Variants in UBE2E2 observed in about 807,000 individuals in gnomAD.
UBE2E2 encodes ubiquitin conjugating enzyme E2 E2, also known as ubiquitin-conjugating enzyme E2 E2.
Under a neutral mutation model 24.7 loss-of-function variants are expected in UBE2E2, and 6 were observed. That is an observed-to-expected ratio of 0.24 (90% CI 0.13 to 0.48). The LOEUF is 0.48. Ranked by LOEUF, UBE2E2 falls within the 20% of genes least tolerant of loss-of-function variation. UBE2E2 has a pLI of 0.99. For synonymous variants in UBE2E2, 104 were observed against 83.6 expected, an observed-to-expected ratio of 1.24 and a Z score of -1.33; for missense variants, 169 against 245.0, an observed-to-expected ratio of 0.69 and a Z score of 2.07.
intron 5 of UBE2E2, among the ~76,000 whole-genome samples, chr3:23,569,316 G>A (rs1696167920): frequency 1.3e-5 from 2 of 152,280 alleles, no homozygotes; most frequent in East Asian, 3.9e-4. Flanking sequence ...CCCAGACCTA[G>A]GACTGGTGGA....
intron 3 of UBE2E2, among the ~76,000 whole-genome samples, chr3:23,298,182 T>C (rs1698966634): frequency 6.6e-6 from 1 of 152,206 alleles, no homozygotes; most frequent in African/African-American, 2.4e-5. Context: ...TTGAGGAGAT[T>C]TTGGGCTGAG....
At chr3:23,354,910 C>G (rs1260743565) in intron 3 of UBE2E2, among the ~76,000 whole-genome samples, 2 of 152,066 alleles carry the variant, frequency 1.3e-5, no homozygotes, top group Non-Finnish European at 2.9e-5. Flanking sequence ...AATCATGCTG[C>G]TATAAAGACA....
intron 3 of UBE2E2, 147 bp downstream of exon 3, chr3:23,217,459 GT>G: frequency 1.3e-6 from 1 of 759,604 alleles, no homozygotes. Flanking sequence ...GAAGACAATG[GT>G]TTTTGTCATC....
At chr3:23,493,975 T>C (rs1459740031) in intron 3 of UBE2E2, among the ~76,000 whole-genome samples, 2 of 152,228 alleles carry the variant, frequency 1.3e-5, no homozygotes, top group African/African-American at 4.8e-5. Flanking sequence ...ATTTGTGCTA[T>C]AATGATCTCA....
At chr3:23,387,377 C>T (rs1335174728) in intron 3 of UBE2E2, among the ~76,000 whole-genome samples, 1 of 152,130 alleles carries the variant, frequency 6.6e-6, no homozygotes, top group African/African-American at 2.4e-5. Flanking sequence ...TACTTTCAAC[C>T]TCTGCAAATT....
At chr3:23,370,091 C>G (rs183463694) in intron 3 of UBE2E2, among the ~76,000 whole-genome samples, 167 of 152,282 alleles carry the variant, frequency 1.1e-3, no homozygotes, top group African/African-American at 3.8e-3. Flanking sequence ...TGTTTCTGCT[C>G]TGTTGCATGT....
At chr3:23,230,385 G>A (rs1186449121) in intron 3 of UBE2E2, among the ~76,000 whole-genome samples, 1 of 152,184 alleles carries the variant, frequency 6.6e-6, no homozygotes, top group East Asian at 1.9e-4. Context: ...TCAATGTGTT[G>A]CTTATTTCAC....
chr3:23,372,838 C>T (rs1696430618), intron 3 of UBE2E2, among the ~76,000 whole-genome samples: 1 of 152,184 alleles, frequency 6.6e-6, no homozygotes, highest in Non-Finnish European at 1.5e-5. Flanking sequence ...AGGGGCATCT[C>T]TGTGACTGTT....
At chr3:23,356,751 A>G (rs934987120) in intron 3 of UBE2E2, among the ~76,000 whole-genome samples, 1 of 152,224 alleles carries the variant, frequency 6.6e-6, no homozygotes, top group African/African-American at 2.4e-5. Flanking sequence ...TCTGTTGTCA[A>G]TCAGGTTATG....
At chr3:23,571,622 G>A (rs2125512742) in intron 5 of UBE2E2, among the ~76,000 whole-genome samples, 1 of 152,164 alleles carries the variant, frequency 6.6e-6, no homozygotes, top group Admixed American at 6.5e-5. Context: ...TGACAAGATA[G>A]CAAGGATCGT....
chr3:23,573,284 A>C (rs914075266), intron 5 of UBE2E2, among the ~76,000 whole-genome samples: 11 of 152,360 alleles, frequency 7.2e-5, no homozygotes, highest in Non-Finnish European at 1.6e-4. Context: ...AGATATTTCT[A>C]AACTAGTGCA....
intron 3 of UBE2E2, among the ~76,000 whole-genome samples, chr3:23,453,745 C>T (rs941416110): frequency 6.6e-6 from 1 of 152,134 alleles, no homozygotes; most frequent in Non-Finnish European, 1.5e-5. Flanking sequence ...CCTCTGCAAC[C>T]AACAGAGCTT....
At chr3:23,405,459 T>C (rs1437558137) in intron 3 of UBE2E2, among the ~76,000 whole-genome samples, 1 of 152,196 alleles carries the variant, frequency 6.6e-6, no homozygotes, top group Non-Finnish European at 1.5e-5. Context: ...CACTGTCTAT[T>C]ATTTTTGGTT....
At chr3:23,322,387 C>T (rs78683690) in intron 3 of UBE2E2, among the ~76,000 whole-genome samples, 2,171 of 152,268 alleles carry the variant, frequency 0.014, 41 homozygotes, top group African/African-American at 0.049. Flanking sequence ...TTCAAGATGT[C>T]TAAAACTGGA....
At chr3:23,569,714 G>C (rs935383497) in intron 5 of UBE2E2, among the ~76,000 whole-genome samples, 1 of 152,124 alleles carries the variant, frequency 6.6e-6, no homozygotes, top group African/African-American at 2.4e-5. Context: ...TTCTCAGTAG[G>C]AATACACCAT....
intron 3 of UBE2E2, among the ~76,000 whole-genome samples, chr3:23,263,560 A>T (rs1173308548): frequency 6.6e-6 from 1 of 152,160 alleles, no homozygotes; most frequent in Non-Finnish European, 1.5e-5. Flanking sequence ...GAAGATGCTC[A>T]TCTTTTATTT....
chr3:23,206,171 T>C (rs1009845679), intron 1 of UBE2E2, among the ~76,000 whole-genome samples: 2 of 152,252 alleles, frequency 1.3e-5, no homozygotes, highest in Non-Finnish European at 2.9e-5. Flanking sequence ...AGCATTTTGC[T>C]ATATCTGAGC....
At chr3:23,340,572 G>T (rs1439927682) in intron 3 of UBE2E2, among the ~76,000 whole-genome samples, 1 of 152,058 alleles carries the variant, frequency 6.6e-6, no homozygotes, top group Non-Finnish European at 1.5e-5. Context: ...AAAGACACGT[G>T]AAAACCATTT....
chr3:23,412,200 C>T (rs1319235927), intron 3 of UBE2E2, among the ~76,000 whole-genome samples: 1 of 151,916 alleles, frequency 6.6e-6, no homozygotes, highest in Non-Finnish European at 1.5e-5. Flanking sequence ...TAAATGTAGA[C>T]CATAGTCGAT....
Sources: allele counts gnomAD v4.1 joint callset (sites outside exome capture counted in the v4.1 genomes callset), GRCh38; gene constraint gnomAD v4.1.1; transcripts MANE v1.5; gene names NCBI Gene and HGNC (gene_info 2026-07-23, HGNC 2026-07-21).